The following IL27RA variants were observed in gnomAD, a reference collection of about 807,000 sequenced individuals.
IL27RA encodes the protein interleukin-27 receptor subunit alpha.
A neutral mutation model predicts 80.8 loss-of-function variants in IL27RA; 61 were observed. That is an observed-to-expected ratio of 0.76 (90% CI 0.61 to 0.93). The LOEUF is 0.93. Among genes scored for constraint, IL27RA ranks in the 40% least tolerant of loss-of-function variants. The probability of loss-of-function intolerance (pLI) is 0.00; values close to 1 mark genes in which losing one functional copy is unlikely to be tolerated. For synonymous variants in IL27RA, 316 were observed against 332.5 expected (o/e 0.95, Z 0.54); for missense variants, 735 against 808.1 (o/e 0.91, Z 1.10).
Position 14,052,516 on chromosome 19 carries a change from A to G in IL27RA, c.*226A>G. The G allele has an allele frequency of 2.3e-6, 1 of 429,702 alleles. No individual in the cohort carries two copies. Among genetic ancestry groups the G allele is most frequent in the Non-Finnish European group, 4.1e-6 (1 of 244,608 alleles). The allele number at this position is 429,702 out of a possible 1,614,324, so 26.6% of individuals were successfully genotyped here. A position where few individuals can be genotyped will look rare whatever the true frequency, so the allele number is the denominator to read the frequency against. ...CACGGATGGAAGGTGGAGCAAAGGA[A>G]AATACATGAAATTGAGAGTGGCAGC... On this transcript the variant is annotated 3_prime_UTR_variant, in exon 14 of 14. Transcript: ENST00000263379.
At chr19:14,039,687 C>T (rs775882702) in intron 3 of IL27RA, 22 bp downstream of exon 3, 33 of 1,610,660 alleles carry the variant, frequency 2.0e-5, no homozygotes, top group Non-Finnish European at 2.0e-5. Context: ...GGAGGGTGGG[C>T]GCTCTATGCG....
At position 14,049,212 on chromosome 19, in the gene IL27RA, G is replaced by A. The variant is rs137869537; in HGVS notation, c.1300G>A (p.Ala434Thr). ...RLQDAPPGTPAIAWGEVPRHQ... is the reference protein window; with the variant it reads ...RLQDAPPGTPTIAWGEVPRHQ... Reference sequence around the variant, plus strand: ...CCAAGATGCCCCTCCAGGGACCCCCGCCATAGCGTGGGGAGAGGTCCCAAG... The same window carrying A: ...CCAAGATGCCCCTCCAGGGACCCCCACCATAGCGTGGGGAGAGGTCCCAAG... Residue 434 changes from alanine (A) to threonine (T), a missense_variant, in exon 10 of 14, where the codon GCC becomes ACC. Physicochemically the swap from Ala to Thr is moderately conservative, Grantham distance 58 (BLOSUM62 0). Coordinates refer to ENST00000263379, the MANE Select transcript of IL27RA (RefSeq NM_004843.4). The A allele has an allele frequency of 7.4e-6, 12 of 1,613,806 alleles. No individual in the cohort carries two copies. The highest frequency in any genetic ancestry group is 1.6e-4 in the Middle Eastern group (1 of 6,084).
intron 2 of IL27RA, among the ~76,000 whole-genome samples, chr19:14,032,820 A>G (rs1464024374): frequency 1.4e-5 from 2 of 145,604 alleles, no homozygotes; most frequent in South Asian, 2.2e-4. Flanking sequence ...AAAAAAAAAA[A>G]AAAAAAGAAA....
At position 14,052,812 on chromosome 19, in the gene IL27RA, G is replaced by A. The variant is rs1321211804; in HGVS notation, c.*522G>A. ...GAGGATCGGTTGAGCCCAGGAGTTC[G>A]AAGCTGCAGGGACCTCTGATTGCAC... On this transcript the variant is annotated 3_prime_UTR_variant, in exon 14 of 14. Transcript: ENST00000263379. The A allele has an allele frequency of 6.6e-6, 1 of 151,668 alleles. No homozygotes were observed. The highest frequency in any genetic ancestry group is 1.5e-5 in the Non-Finnish European group (1 of 68,208). 9.4% of individuals were successfully genotyped at this position (151,668 alleles called of 1,614,324 possible). A position where few individuals can be genotyped will look rare whatever the true frequency, so the allele number is the denominator to read the frequency against.
intron 4 of IL27RA, among the ~76,000 whole-genome samples, chr19:14,040,507 A>G (rs1975974099): frequency 6.6e-6 from 1 of 151,970 alleles, no homozygotes; most frequent in African/African-American, 2.4e-5. Flanking sequence ...CAGGATAGCA[A>G]GACTCGTCTC....
At chr19:14,035,688 C>A (rs996861113) in intron 2 of IL27RA, among the ~76,000 whole-genome samples, 4 of 151,868 alleles carry the variant, frequency 2.6e-5, no homozygotes, top group African/African-American at 9.7e-5. Flanking sequence ...AGCCACTGAG[C>A]CTGGCGGGGG....
chr19:14,051,369 AC>A (rs1187107663), intron 11 of IL27RA, among the ~76,000 whole-genome samples: 32 of 151,966 alleles, frequency 2.1e-4, no homozygotes, highest in African/African-American at 7.7e-4. Context: ...ATGTGGTGAA[AC>A]CCCATCTCTA....
At position 14,042,447 on chromosome 19, in the gene IL27RA, C is replaced by T; in HGVS notation, c.535-6C>T. ...GGCCCATCACGCTCGCCTGTCTCTC[C>T]CCCAGCTGGAACCGGAGCTGAAGAC... On this transcript the variant is annotated splice_polypyrimidine_tract_variant and splice_region_variant and intron_variant, in intron 4 of 13. Coordinates refer to ENST00000263379, the MANE Select transcript of IL27RA (RefSeq NM_004843.4). 1 of 1,613,420 alleles carries T rather than the reference C, an allele frequency of 6.2e-7. No individual in the cohort carries two copies. Among genetic ancestry groups the T allele is most frequent in the East Asian group, 2.2e-5 (1 of 44,850 alleles).
chr19:14,033,942 C>T (rs184604148), intron 2 of IL27RA, among the ~76,000 whole-genome samples: 49 of 151,698 alleles, frequency 3.2e-4, no homozygotes, highest in Admixed American at 1.6e-3. Flanking sequence ...CCAGCCTGGC[C>T]GACAGAGCGA....
chr19:14,032,301 T>C lies in IL27RA; in HGVS notation c.101-85T>C, dbSNP rs970443553. 4.7e-5 allele frequency: 49 copies of C among 1,037,890 alleles called. 1 individual carries two copies. In the East Asian group the frequency reaches 1.2e-3, roughly 25 times the overall value. 64.3% of individuals were successfully genotyped at this position (1,037,890 alleles called of 1,614,324 possible). Reference sequence around the variant, plus strand: ...TTCCCTAAGCCCCCCCACCTTGCAATTGTCAGAAGTCCAAGTTCTGGGGTG... The same window carrying C: ...TTCCCTAAGCCCCCCCACCTTGCAACTGTCAGAAGTCCAAGTTCTGGGGTG... On this transcript the variant is annotated intron_variant, in intron 1 of 13. Coordinates refer to ENST00000263379, the MANE Select transcript of IL27RA (RefSeq NM_004843.4).
At position 14,049,165 on chromosome 19, in the gene IL27RA, T is replaced by C. The variant is rs778431735; in HGVS notation, c.1253T>C (p.Val418Ala). The change falls in exon 10 of 14, where the codon GTG (valine) becomes GCG (alanine). Residue 418 changes from valine (V) to alanine (A), a missense_variant. Transcript: ENST00000263379. ...CTGCCTTCCTCCCCAGCACCCCTAG[T>C]GGGGCCAACGCTTTGGCGACTCCAA... ...WGFREELAPL[V>A]GPTLWRLQDA... 1.7e-5 allele frequency: 28 copies of C among 1,613,788 alleles called. No individual in the cohort carries two copies. Among genetic ancestry groups the C allele is most frequent in the South Asian group, 3.3e-5 (3 of 91,080 alleles).
chr19:14,034,538 T>C (rs762513859), intron 2 of IL27RA, among the ~76,000 whole-genome samples: 3 of 151,684 alleles, frequency 2.0e-5, no homozygotes, highest in Non-Finnish European at 2.9e-5. Context: ...CACATGCCTG[T>C]AGCCCCAGCT....
At chr19:14,041,260 C>G (rs1975985795) in intron 4 of IL27RA, among the ~76,000 whole-genome samples, 1 of 150,992 alleles carries the variant, frequency 6.6e-6, no homozygotes, top group African/African-American at 2.4e-5. Flanking sequence ...TGCAGTGGTG[C>G]CATCTCAACT....
chr19:14,042,844 A>G (rs985410920), intron 6 of IL27RA, 55 bp downstream of exon 6: 13 of 1,473,998 alleles, frequency 8.8e-6, no homozygotes, highest in Non-Finnish European at 1.2e-5. Flanking sequence ...ACCCCTAAAT[A>G]ACAATGACAT....
chr19:14,049,874 G>A (rs1433466506), intron 10 of IL27RA, among the ~76,000 whole-genome samples: 1 of 151,524 alleles, frequency 6.6e-6, no homozygotes, highest in Non-Finnish European at 1.5e-5. Flanking sequence ...CACTGCGCCC[G>A]GCCTATATAT....
chr19:14,040,333 G>C (rs929636560), intron 4 of IL27RA, among the ~76,000 whole-genome samples: 1 of 151,284 alleles, frequency 6.6e-6, no homozygotes, highest in Non-Finnish European at 1.5e-5. Flanking sequence ...CTGTGCTCCA[G>C]CCTGAGCTAC....
Position 14,052,916 on chromosome 19 carries a change from A to G in IL27RA, c.*626A>G, listed in dbSNP as rs867589608. 1.3e-5 allele frequency: 2 copies of G among 151,204 alleles called. No homozygotes were observed. Among genetic ancestry groups the G allele is most frequent in the Non-Finnish European group, 2.9e-5 (2 of 68,016 alleles). The allele number at this position is 151,204 out of a possible 1,614,324, so 9.4% of individuals were successfully genotyped here. The stretch of plus-strand genomic sequence containing the variant: ...ACTAATAAAAAGCAAAAAAAAAAAA[A>G]AAAGAAAAGAAAAAACACTGCATTT... On this transcript the variant is annotated 3_prime_UTR_variant, in exon 14 of 14. Transcript: ENST00000263379.
At chr19:14,038,079 C>T (rs1217970316) in intron 2 of IL27RA, among the ~76,000 whole-genome samples, 4 of 151,950 alleles carry the variant, frequency 2.6e-5, no homozygotes, top group African/African-American at 9.7e-5. Flanking sequence ...ATCCACCTGC[C>T]TCGGGCTCCC....
In IL27RA at chr19:14,031,894, C is replaced by T. The variant is rs1248292092; in HGVS notation, c.22C>T (p.Pro8Ser). The T allele has an allele frequency of 1.9e-6, 3 of 1,604,240 alleles. No individual in the cohort carries two copies. The South Asian group carries it at 3.3e-5, about 18-fold the overall frequency. ...CGCCATGCGGGGAGGCAGGGGCGCC[C>T]CTTTCTGGCTGTGGCCGCTGCCCAA... MRGGRGAPFWLWPLPKLA... is the reference protein window; with the variant it reads MRGGRGASFWLWPLPKLA... The change falls in exon 1 of 14, where the codon CCT (proline) becomes TCT (serine). Residue 8 changes from proline (P) to serine (S), a missense_variant. Pro to Ser is a moderately conservative substitution (Grantham distance 74). Transcript: ENST00000263379.
Sources: allele counts gnomAD v4.1 joint callset (sites outside exome capture counted in the v4.1 genomes callset), GRCh38; gene constraint gnomAD v4.1.1; transcripts MANE v1.5; gene names NCBI Gene and HGNC (gene_info 2026-07-23, HGNC 2026-07-21).